Variants in TPO observed in about 807,000 individuals in gnomAD.
TPO encodes thyroid microsomal antigen.
A neutral mutation model predicts 96.9 loss-of-function variants in TPO; 78 were observed. The ratio of observed to expected loss-of-function variants is 0.81; its 90% confidence interval spans 0.67 to 0.97. The LOEUF is 0.97. Ranked by LOEUF, TPO falls within the 50% of genes least tolerant of loss-of-function variation. The pLI is 0.00. For missense variants in TPO, 1,252 were observed against 1,274.8 expected, an observed-to-expected ratio of 0.98 and a Z score of 0.27; for synonymous variants, 547 against 538.0, an observed-to-expected ratio of 1.02 and a Z score of -0.23.
In TPO at chr2:1,542,547, GGCAAATCC is replaced by G; in HGVS notation, c.*75_*82del. On this transcript the variant is annotated 3_prime_UTR_variant, in exon 17 of 17. Transcript: ENST00000329066. ...ACCGTACGACTCTTTTCCAAACACAGGCAAATCCGAAATCAGCAGGACGACTGTTTTCC... is the reference window on the plus strand; with the variant it reads ...ACCGTACGACTCTTTTCCAAACACAGGAAATCAGCAGGACGACTGTTTTCC... 8 of 1,602,910 alleles carry G rather than the reference GGCAAATCC, an allele frequency of 5.0e-6. No homozygotes were observed. In the South Asian group the frequency reaches 9.0e-5, roughly 18 times the overall value.
At chr2:1,523,504 G>T (rs551157383) in intron 15 of TPO, among the ~76,000 whole-genome samples, 17 of 4,426 alleles carry the variant, frequency 3.8e-3, no homozygotes, top group East Asian at 9.1e-3. Flanking sequence ...AAATCCCCCC[G>T]ACTCTATGCA....
At chr2:1,537,392 T>TC (rs759181987) in intron 15 of TPO, among the ~76,000 whole-genome samples, 1 of 110,682 alleles carries the variant, frequency 9.0e-6, no homozygotes, top group Non-Finnish European at 1.8e-5. Flanking sequence ...CTCCCTCAAA[T>TC]CCCCCCACTG....
chr2:1,503,997 G>A lies in TPO; in HGVS notation c.2436G>A (p.Ala812=), dbSNP rs763673114. The change falls in exon 14 of 17, where the codon GCG becomes GCA. Residue 812 remains alanine (A), a synonymous_variant. Transcript: ENST00000329066. ...CCCACCCCCCCTGCCACGCCTCTGC[G>A]AGGTGCAGAAACACCAAAGGCGGCT... ...DGAHPPCHAS[A]RCRNTKGGFQ... is the part of the protein sequence containing the mutation. 13 of 1,614,104 alleles carry A rather than the reference G, an allele frequency of 8.1e-6. No individual in the cohort carries two copies. The highest frequency in any genetic ancestry group is 6.7e-5 in the African/African-American group (5 of 74,934).
chr2:1,489,806 T>G (rs1167974959), intron 10 of TPO, among the ~76,000 whole-genome samples: 8 of 152,254 alleles, frequency 5.3e-5, no homozygotes, highest in Non-Finnish European at 8.8e-5. Context: ...AGTTCAATTT[T>G]GGATGAATCT....
At chr2:1,525,053 C>A (rs1676122225) in intron 15 of TPO, among the ~76,000 whole-genome samples, 1 of 102,682 alleles carries the variant, frequency 9.7e-6, no homozygotes, top group African/African-American at 3.8e-5. Flanking sequence ...CTCCCCCTAT[C>A]CCTCCCACTG....
intron 10 of TPO, among the ~76,000 whole-genome samples, chr2:1,489,832 G>A (rs13413321): frequency 3.3e-5 from 5 of 151,994 alleles, no homozygotes; most frequent in Non-Finnish European, 5.9e-5. Flanking sequence ...TTAACCTGTG[G>A]GGTTCCCAGT....
chr2:1,503,404 T>G (rs918796936), intron 13 of TPO, among the ~76,000 whole-genome samples: 2 of 152,230 alleles, frequency 1.3e-5, no homozygotes, highest in Admixed American at 6.5e-5. Context: ...TTGAACAAAA[T>G]GTACAGCAGG....
chr2:1,505,482 C>T (rs528317682), intron 14 of TPO, among the ~76,000 whole-genome samples: 2 of 91,400 alleles, frequency 2.2e-5, no homozygotes, highest in South Asian at 1.0e-3. Context: ...GCGCATCCCC[C>T]CCACCCCGTG....
At chr2:1,462,781 C>G (rs937787395) in intron 7 of TPO, among the ~76,000 whole-genome samples, 2 of 152,226 alleles carry the variant, frequency 1.3e-5, no homozygotes, top group African/African-American at 2.4e-5. Context: ...AATGTCCAAA[C>G]TGCCCTTAAA....
chr2:1,535,892 TGTGTGCAACCCCCCCAAATCCC>T (rs201724865), intron 15 of TPO, among the ~76,000 whole-genome samples: 2,505 of 46,080 alleles, frequency 0.054, 272 homozygotes, highest in Middle Eastern at 0.17. Flanking sequence ...AGTCCCCGAA[TGTGTGCAACCCCCCCAAATCCC>T]GTGTGCAACC....
Position 1,540,866 on chromosome 2 carries a change from G to A in TPO, c.2748+143G>A, listed in dbSNP as rs780280694. ...GTCCGTTCTGCACCTTCCTCCGGGAGGTTTTATTTACAAGCTAATGACAGT... is the reference window on the plus strand; with the variant it reads ...GTCCGTTCTGCACCTTCCTCCGGGAAGTTTTATTTACAAGCTAATGACAGT... On this transcript the variant is annotated intron_variant, in intron 16 of 16. Coordinates refer to ENST00000329066, the MANE Select transcript of TPO (RefSeq NM_001206744.2). 3.3e-5 allele frequency: 51 copies of A among 1,553,916 alleles called. No individual in the cohort carries two copies. In the East Asian group the frequency reaches 1.2e-3, roughly 37 times the overall value.
intron 7 of TPO, among the ~76,000 whole-genome samples, chr2:1,470,217 G>T (rs1342443972): frequency 1.3e-5 from 2 of 152,036 alleles, no homozygotes; most frequent in Non-Finnish European, 2.9e-5. Flanking sequence ...CCTAAAGCAA[G>T]AAGCTGAGGC....
At chr2:1,392,692 G>A (rs978584326) in intron 1 of TPO, among the ~76,000 whole-genome samples, 1 of 152,146 alleles carries the variant, frequency 6.6e-6, no homozygotes, top group Non-Finnish European at 1.5e-5. Context: ...GGTCTGTTCG[G>A]AGACTCAACT....
chr2:1,502,652 A>T (rs1318599984), intron 13 of TPO, among the ~76,000 whole-genome samples: 1 of 152,098 alleles, frequency 6.6e-6, no homozygotes, highest in East Asian at 1.9e-4. Flanking sequence ...AGCCTCCCAA[A>T]GTGCTGGGAT....
chr2:1,496,557 G>A (rs561689405), intron 12 of TPO, 38 bp from the exon 13 acceptor site: 86 of 1,612,518 alleles, frequency 5.3e-5, no homozygotes, highest in Middle Eastern at 1.9e-4. Flanking sequence ...TTCTTTTCTC[G>A]TAGTTTGACT....
At chr2:1,411,966 G>A (rs1021317257), upstream of TPO, among the ~76,000 whole-genome samples, 1 of 152,220 alleles carries the variant, frequency 6.6e-6, no homozygotes, top group Non-Finnish European at 1.5e-5. Flanking sequence ...GGTGCTCTGA[G>A]CTACTCTTGA....
chr2:1,530,126 C>CAACCTCCCAAAATCTCCCTATGT, intron 15 of TPO, among the ~76,000 whole-genome samples: 1 of 89,882 alleles, frequency 1.1e-5, no homozygotes, highest in Non-Finnish European at 2.1e-5. Flanking sequence ...TCTCCCTATG[C>CAACCTCCCAAAATCTCCCTATGT]GCAACCTCGC....
chr2:1,422,270 G>A (rs1300872777), intron 2 of TPO, among the ~76,000 whole-genome samples: 2 of 72,190 alleles, frequency 2.8e-5, no homozygotes, highest in African/African-American at 5.3e-5. Context: ...CATGGAAGGC[G>A]CGTGGGACTG....
intron 15 of TPO, among the ~76,000 whole-genome samples, chr2:1,522,071 T>C (rs1166586526): frequency 1.3e-5 from 2 of 151,966 alleles, no homozygotes; most frequent in African/African-American, 4.8e-5. Context: ...CCCCAGGCTG[T>C]CTACTCCACA....
Sources: allele counts gnomAD v4.1 joint callset (sites outside exome capture counted in the v4.1 genomes callset), GRCh38; gene constraint gnomAD v4.1.1; transcripts MANE v1.5; gene names NCBI Gene and HGNC (gene_info 2026-07-23, HGNC 2026-07-21).